PRKCA: variants seen among roughly 807,000 people sequenced by gnomAD.
PRKCA encodes protein kinase C alpha type.
In PRKCA, 27 loss-of-function variants were observed where a neutral mutation model predicts 87.0. The ratio of observed to expected loss-of-function variants is 0.31; its 90% CI spans 0.23 to 0.43. The LOEUF (loss-of-function observed/expected upper bound fraction) is 0.43. Ranked by LOEUF, PRKCA falls within the 20% of genes least tolerant of loss-of-function variation. The pLI, the probability that PRKCA is intolerant of heterozygous loss-of-function variation, is 1.00. For synonymous variants in PRKCA, 329 were observed against 311.1 expected, an observed-to-expected ratio of 1.06 and a Z score of -0.61; for missense variants, 518 against 852.3, an observed-to-expected ratio of 0.61 and a Z score of 4.88.
intron 2 of PRKCA, among the ~76,000 whole-genome samples, chr17:66,423,025 C>T (rs890228062): frequency 6.6e-6 from 1 of 152,008 alleles, no homozygotes; most frequent in African/African-American, 2.4e-5. Flanking sequence ...GCAGGAGAAT[C>T]GCTTGAACCA....
intron 8 of PRKCA, among the ~76,000 whole-genome samples, chr17:66,730,573 AT>A (rs1973860173): frequency 6.6e-6 from 1 of 152,184 alleles, no homozygotes; most frequent in Non-Finnish European, 1.5e-5. Flanking sequence ...TTGCCATGAC[AT>A]TTGTAAACTG....
chr17:66,675,873 G>A (rs553299757), intron 5 of PRKCA, among the ~76,000 whole-genome samples: 5 of 152,316 alleles, frequency 3.3e-5, no homozygotes, highest in African/African-American at 1.2e-4. Flanking sequence ...TGACCCAGCA[G>A]TACCTGTAAC....
intron 3 of PRKCA, among the ~76,000 whole-genome samples, chr17:66,596,931 T>C (rs1969997595): frequency 1.6e-4 from 1 of 6,238 alleles, no homozygotes; most frequent in South Asian, 4.8e-3. Flanking sequence ...TATGGCTGTA[T>C]AGTATTCCAT....
chr17:66,534,850 T>C (rs1432031475), intron 3 of PRKCA, among the ~76,000 whole-genome samples: 1 of 152,170 alleles, frequency 6.6e-6, no homozygotes, highest in Non-Finnish European at 1.5e-5. Flanking sequence ...TTGCCTGGGG[T>C]AGACTTAGGC....
intron 3 of PRKCA, among the ~76,000 whole-genome samples, chr17:66,585,065 GA>G (rs34970442): frequency 0.049 from 3,392 of 68,740 alleles, 134 homozygotes; most frequent in African/African-American, 0.14. Context: ...AATGCATGGG[GA>G]GGGGGGGGTG....
rs1001857256 is a variant in PRKCA at position 66,771,269 on chromosome 17, T to G, written c.1525-2718T>G. ...ATCCACCCACCTCGGCTTCCCAAAG[T>G]TCTGGAATTACAGGCGTGAGCCACT... is the stretch of plus-strand genomic sequence containing the variant. On this transcript the variant is annotated intron_variant, in intron 13 of 16. Coordinates refer to ENST00000413366, the MANE Select transcript of PRKCA (RefSeq NM_002737.3). Among the ~76,000 whole-genome samples, 3 of 152,336 alleles carry G rather than the reference T, an allele frequency of 2.0e-5. No homozygotes were observed. In the South Asian group the frequency reaches 6.2e-4, roughly 32 times the overall value.
At chr17:66,355,067 AT>A (rs1296180366) in intron 2 of PRKCA, among the ~76,000 whole-genome samples, 1 of 152,156 alleles carries the variant, frequency 6.6e-6, no homozygotes, top group Non-Finnish European at 1.5e-5. Flanking sequence ...GGCATGTGGT[AT>A]TTTCTGAAAA....
chr17:66,395,039 T>C (rs187254958), intron 2 of PRKCA, among the ~76,000 whole-genome samples: 63 of 152,374 alleles, frequency 4.1e-4, no homozygotes, highest in African/African-American at 1.5e-3. Flanking sequence ...AAACTTTTTT[T>C]TAAATTGAAT....
At chr17:66,682,117 T>G (rs1727025127) in intron 5 of PRKCA, among the ~76,000 whole-genome samples, 1 of 152,096 alleles carries the variant, frequency 6.6e-6, no homozygotes, top group South Asian at 2.1e-4. Flanking sequence ...TACTTACAAC[T>G]CTAAAACTCT....
chr17:66,735,142 T>C (rs1462548649), intron 9 of PRKCA, among the ~76,000 whole-genome samples: 1 of 152,190 alleles, frequency 6.6e-6, no homozygotes, highest in East Asian at 1.9e-4. Context: ...TAAATGTCAG[T>C]CAGCTTTCAC....
At chr17:66,678,591 C>G (rs7222680) in intron 5 of PRKCA, among the ~76,000 whole-genome samples, 92,046 of 151,440 alleles carry the variant, frequency 0.61, 27,951 homozygotes, top group African/African-American at 0.64. Flanking sequence ...ATCTGGCAGG[C>G]ACCCCACACC....
intron 8 of PRKCA, among the ~76,000 whole-genome samples, chr17:66,697,641 T>A (rs769199043): frequency 6.6e-6 from 1 of 152,128 alleles, no homozygotes; most frequent in Non-Finnish European, 1.5e-5. Context: ...TCACCCAGAT[T>A]GCTGAGATAA....
chr17:66,731,379 C>T (rs1973886775), intron 8 of PRKCA, among the ~76,000 whole-genome samples: 1 of 144,422 alleles, frequency 6.9e-6, no homozygotes, highest in African/African-American at 2.7e-5. Flanking sequence ...AAGAATGTAT[C>T]CAAGGCAAGA....
At chr17:66,339,492 A>G (rs932049825) in intron 2 of PRKCA, among the ~76,000 whole-genome samples, 5 of 152,158 alleles carry the variant, frequency 3.3e-5, no homozygotes, top group African/African-American at 1.2e-4. Context: ...GTTTATGCTA[A>G]AAGTTTTTCT....
chr17:66,751,052 TA>T (rs1372094978), intron 13 of PRKCA, among the ~76,000 whole-genome samples: 4 of 152,218 alleles, frequency 2.6e-5, no homozygotes, highest in Non-Finnish European at 4.4e-5. Context: ...TGGCATGCTT[TA>T]ATTAGCCCTT....
chr17:66,405,819 A>G (rs1199937959), intron 2 of PRKCA, among the ~76,000 whole-genome samples: 1 of 151,888 alleles, frequency 6.6e-6, no homozygotes, highest in Non-Finnish European at 1.5e-5. Flanking sequence ...TTTTTTTTTT[A>G]ACTTGAAAAA....
intron 2 of PRKCA, among the ~76,000 whole-genome samples, chr17:66,401,328 C>G (rs1465827578): frequency 6.6e-6 from 1 of 152,148 alleles, no homozygotes; most frequent in African/African-American, 2.4e-5. Flanking sequence ...CACCTGCTAA[C>G]CTGGGAGGTG....
intron 5 of PRKCA, among the ~76,000 whole-genome samples, chr17:66,670,605 C>G (rs1051522021): frequency 2.0e-5 from 3 of 152,138 alleles, no homozygotes; most frequent in African/African-American, 7.2e-5. Context: ...CTCACACTTG[C>G]AATTCCATCA....
At chr17:66,419,576 C>T (rs1425259806) in intron 2 of PRKCA, among the ~76,000 whole-genome samples, 1 of 152,114 alleles carries the variant, frequency 6.6e-6, no homozygotes, top group Non-Finnish European at 1.5e-5. Context: ...GTGCCCTGGT[C>T]AAGTACAAAT....
Sources: allele counts gnomAD v4.1 joint callset (sites outside exome capture counted in the v4.1 genomes callset), GRCh38; gene constraint gnomAD v4.1.1; transcripts MANE v1.5; gene names NCBI Gene and HGNC (gene_info 2026-07-23, HGNC 2026-07-21).